Variants in TTLL8 observed in about 807,000 individuals in gnomAD.
TTLL8 encodes tubulin tyrosine ligase like 8, also known as protein monoglycylase TTLL8.
TTLL8 carries 65 observed loss-of-function variants against 77.8 expected under a neutral mutation model. The ratio of observed to expected loss-of-function variants is 0.84; its 90% CI spans 0.68 to 1.03. The LOEUF is 1.03. TTLL8 is among the 50% of genes least tolerant of loss of function. The pLI is 0.00. For missense variants in TTLL8, 910 were observed against 1,004.5 expected (o/e 0.91, Z 1.27); for synonymous variants, 402 against 422.8 (o/e 0.95, Z 0.60).
chr22:50,018,758 C>T (rs938172242), intron 12 of TTLL8, among the ~76,000 whole-genome samples: 1 of 152,206 alleles, frequency 6.6e-6, no homozygotes, highest in Non-Finnish European at 1.5e-5. Context: ...GCAACCTGTA[C>T]TCCTGCTGCA....
In TTLL8 at chr22:50,051,425, C is replaced by G. The variant is rs554632551; in HGVS notation, c.52-1178G>C. ...TGCAGATACACCACAGTTTCTTTAT[C>G]CGCTCGTTGGTTGATGGGCATTTTG... On this transcript the variant is annotated intron_variant, in intron 1 of 13. Transcript: ENST00000266182. Among the ~76,000 whole-genome samples the G allele has an allele frequency of 3.9e-5, 6 of 152,212 alleles. No individual in the cohort carries two copies. In the East Asian group the frequency reaches 1.2e-3, roughly 29 times the overall value.
intron 12 of TTLL8, among the ~76,000 whole-genome samples, chr22:50,029,330 C>A (rs796849368): frequency 1.5e-3 from 128 of 87,878 alleles, no homozygotes; most frequent in African/African-American, 2.8e-3. Flanking sequence ...CCCCACACAC[C>A]CTCGTAAAGA....
rs572068192 is a variant in TTLL8 at position 50,045,917 on chromosome 22, G to A, written c.447C>T (p.Pro149=). 238 of 1,361,824 alleles carry A rather than the reference G, an allele frequency of 1.7e-4. 1 individual carries two copies. In the Admixed American group the frequency reaches 2.2e-3, roughly 13 times the overall value. The allele number at this position is 1,361,824 out of a possible 1,614,324, so 84.4% of individuals were successfully genotyped here. ...TGTAGCAGCGTGGGAAGAAGGAGTCGGGGTTGGCCGGGACGTACCAGGGCA... is the reference window on the plus strand; with the variant it reads ...TGTAGCAGCGTGGGAAGAAGGAGTCAGGGTTGGCCGGGACGTACCAGGGCA... Residue 149 remains proline, a synonymous_variant, in exon 5 of 14, where the codon CCC becomes CCT. Transcript: ENST00000266182.
At chr22:50,028,585 ATG>A (rs1158274768) in intron 12 of TTLL8, among the ~76,000 whole-genome samples, 3 of 147,548 alleles carry the variant, frequency 2.0e-5, no homozygotes, top group East Asian at 2.0e-4. Flanking sequence ...GACCCCCACC[ATG>A]CCCTCGTAAA....
chr22:50,056,717 C>G, upstream of TTLL8: 1 of 982,688 alleles, frequency 1.0e-6, no homozygotes, highest in Non-Finnish European at 1.2e-6. This position sits in a 1 kb window ranked among gnomAD's most constrained non-coding sequence, Gnocchi z 4.1. Context: ...TCCGCCTGGA[C>G]CGTCCAAGAG....
At chr22:50,019,816 T>C (rs1448659877) in intron 12 of TTLL8, among the ~76,000 whole-genome samples, 1 of 152,202 alleles carries the variant, frequency 6.6e-6, no homozygotes, top group Non-Finnish European at 1.5e-5. Flanking sequence ...TTATGCAGAA[T>C]CAATCACCAC....
chr22:50,030,532 T>C (rs891312177), exon 12 of TTLL8: 1 of 1,328,974 alleles, frequency 7.5e-7, no homozygotes, highest in African/African-American at 1.5e-5. Flanking sequence ...TCCCAGCTTT[T>C]GGCGGGCTGG....
upstream of TTLL8, among the ~76,000 whole-genome samples, chr22:50,056,417 C>A (rs181546533): frequency 6.6e-6 from 1 of 152,254 alleles, no homozygotes; most frequent in East Asian, 1.9e-4. This position sits in a 1 kb window ranked among gnomAD's most constrained non-coding sequence, Gnocchi z 4.1. Flanking sequence ...GCGGGGGCAC[C>A]GGAGCTCTCG....
chr22:50,049,910 TG>T (rs2061434471), intron 2 of TTLL8, 198 bp downstream of exon 4: 1 of 345,028 alleles, frequency 2.9e-6, no homozygotes, highest in Non-Finnish European at 4.1e-6. Flanking sequence ...GGAGCAGGGC[TG>T]GGGGCTTGAA....
intron 12 of TTLL8, among the ~76,000 whole-genome samples, chr22:50,020,475 TACTCCTCCATCTGACATGC>T (rs2061188389): frequency 1.4e-5 from 2 of 146,720 alleles, no homozygotes; most frequent in East Asian, 4.1e-4. Context: ...AGATGATGTG[TACTCCTCCATCTGACATGC>T]ACTCCTCCAT....
At position 50,044,922 on chromosome 22, in the gene TTLL8, CG is replaced by C. The variant is rs1295711199; in HGVS notation, c.643+332del. ...GGCCCCTTTGGGGAGACTCAGGCTG[CG>C]GCATCGTGGTGGCCGTGGGGTGGGG... On this transcript the variant is annotated intron_variant, in intron 6 of 13. Transcript: ENST00000266182. The surrounding 1 kb of genome is among the most constrained non-coding windows in gnomAD (Gnocchi z 4.2). 2.0e-5 allele frequency among the ~76,000 whole-genome samples: 3 copies of C among 152,168 alleles called. No individual in the cohort carries two copies. The highest frequency in any genetic ancestry group is 7.2e-5 in the African/African-American group (3 of 41,434).
chr22:50,025,790 T>C (rs1037325968), intron 12 of TTLL8, among the ~76,000 whole-genome samples: 7 of 152,152 alleles, frequency 4.6e-5, no homozygotes, highest in African/African-American at 1.7e-4. Context: ...AACAAAGTGC[T>C]CAGCATGGCT....
At chr22:50,049,819 C>G (rs534427052) in intron 2 of TTLL8, among the ~76,000 whole-genome samples, 40 of 152,238 alleles carry the variant, frequency 2.6e-4, no homozygotes, top group Non-Finnish European at 5.9e-5. Context: ...GGAGGGACAG[C>G]TGAGGCCGGG....
At chr22:50,040,405 G>T (rs1329434717) in intron 8 of TTLL8, among the ~76,000 whole-genome samples, 1 of 152,244 alleles carries the variant, frequency 6.6e-6, no homozygotes, top group Non-Finnish European at 1.5e-5. Flanking sequence ...TTCATGTTGG[G>T]CACAAGAAGT....
intron 6 of TTLL8, among the ~76,000 whole-genome samples, chr22:50,042,499 A>G (rs896276898): frequency 5.3e-5 from 8 of 152,180 alleles, no homozygotes; most frequent in Non-Finnish European, 8.8e-5. Context: ...AAAATGAACA[A>G]TCTGAACAGT....
exon 6 of TTLL8, chr22:50,045,298 G>T: frequency 7.3e-7 from 1 of 1,362,802 alleles, no homozygotes; most frequent in Non-Finnish European, 9.8e-7. Flanking sequence ...CCTCCCTCTG[G>T]TCCCTGGGCT....
At chr22:50,058,133 G>A (rs1195043331), upstream of TTLL8, among the ~76,000 whole-genome samples, 1 of 151,890 alleles carries the variant, frequency 6.6e-6, no homozygotes, top group Admixed American at 6.6e-5. This position sits in a 1 kb window ranked among gnomAD's most constrained non-coding sequence, Gnocchi z 4.2. Context: ...CTGGGGTTCC[G>A]CGGTCGGGGG....
In TTLL8 at chr22:50,031,593, C is replaced by T. The variant is rs150681271; in HGVS notation, c.1707+93G>A. ...TCCTCCATAGACCCCGCTGCACTGG[C>T]GGCCTGCAGCTCCACCCTCGCCCAG... On this transcript the variant is annotated intron_variant, in intron 11 of 13. Coordinates refer to ENST00000266182, the Ensembl canonical transcript of TTLL8. 2.5e-4 allele frequency: 298 copies of T among 1,196,824 alleles called. 1 individual carries two copies. In the African/African-American group the frequency reaches 3.3e-3, roughly 13 times the overall value. The allele number at this position is 1,196,824 out of a possible 1,614,324, so 74.1% of individuals were successfully genotyped here.
chr22:50,030,242 G>T (rs1197846319), intron 12 of TTLL8, 188 bp downstream of exon 13: 13 of 984,206 alleles, frequency 1.3e-5, no homozygotes, highest in Admixed American at 6.2e-5. Context: ...CCCCCGTGCC[G>T]GGCTGGGACA....
Sources: allele counts gnomAD v4.1 joint callset (sites outside exome capture counted in the v4.1 genomes callset), GRCh38; gene constraint gnomAD v4.1.1; non-coding constraint Gnocchi (gnomAD v3.1); transcripts MANE v1.5; gene names NCBI Gene and HGNC (gene_info 2026-07-23, HGNC 2026-07-21).